The following FILIP1 variants were observed in gnomAD, a reference collection of about 807,000 sequenced individuals.
The protein encoded by FILIP1 is filamin-A-interacting protein 1.
A neutral mutation model predicts 102.1 loss-of-function variants in FILIP1; 61 were observed. That is an observed-to-expected ratio of 0.60 (90% CI 0.49 to 0.74). The LOEUF is 0.74. Ranked by LOEUF, FILIP1 falls within the 30% of genes least tolerant of loss-of-function variation. The probability of loss-of-function intolerance (pLI) is 0.00; values close to 1 mark genes in which losing one functional copy is unlikely to be tolerated. For missense variants in FILIP1, 1,314 were observed against 1,441.2 expected, an observed-to-expected ratio of 0.91 and a Z score of 1.43; for synonymous variants, 491 against 526.9, an observed-to-expected ratio of 0.93 and a Z score of 0.93.
chr6:75,414,004 C>T lies in FILIP1; in HGVS notation c.276+693G>A, dbSNP rs141376433. Among the ~76,000 whole-genome samples the T allele has an allele frequency of 1.0e-4, 15 of 150,430 alleles. No individual in the cohort carries two copies. The East Asian group carries it at 2.3e-3, about 23-fold the overall frequency. ...GAATCAGGAAGCCTGAGATGAGATC[C>T]GGACAAACCTTCAATCCTTCTGGGC... On this transcript the variant is annotated intron_variant, in intron 2 of 5. Transcript: ENST00000237172.
intron 2 of FILIP1, among the ~76,000 whole-genome samples, chr6:75,410,591 C>T (rs147346733): frequency 2.0e-4 from 30 of 152,058 alleles, no homozygotes; most frequent in Non-Finnish European, 3.2e-4. Flanking sequence ...ATGTTCCCCT[C>T]GCTGTGCCCA....
intron 1 of FILIP1, among the ~76,000 whole-genome samples, chr6:75,443,470 T>C (rs941987903): frequency 1.6e-4 from 24 of 152,192 alleles, no homozygotes; most frequent in African/African-American, 5.8e-4. Flanking sequence ...AATGGATATA[T>C]CCCTGACTTG....
intron 1 of FILIP1, among the ~76,000 whole-genome samples, chr6:75,443,859 C>T (rs1778355321): frequency 6.6e-6 from 1 of 152,262 alleles, no homozygotes; most frequent in South Asian, 2.1e-4. Context: ...CTAACATGCT[C>T]ATATTAGATT....
chr6:75,371,635 T>C (rs1775522332), intron 2 of FILIP1, among the ~76,000 whole-genome samples: 1 of 152,090 alleles, frequency 6.6e-6, no homozygotes, highest in Admixed American at 6.5e-5. Flanking sequence ...ATACGATCAA[T>C]GGAATGGAAT....
intron 2 of FILIP1, among the ~76,000 whole-genome samples, chr6:75,414,002 T>A (rs1185717555): frequency 6.6e-6 from 1 of 150,606 alleles, no homozygotes; most frequent in African/African-American, 2.4e-5. Flanking sequence ...TGAGATGAGA[T>A]CCGGACAAAC....
chr6:75,353,463 T>A, intron 4 of FILIP1, 76 bp downstream of exon 4: 1 of 1,514,438 alleles, frequency 6.6e-7, no homozygotes, highest in East Asian at 2.3e-5. Context: ...GCTGAAAGAC[T>A]GATCCCTGAA....
At chr6:75,348,062 TACAC>T (rs148284986) in intron 4 of FILIP1, among the ~76,000 whole-genome samples, 17 of 147,268 alleles carry the variant, frequency 1.2e-4, no homozygotes, top group Non-Finnish European at 2.1e-4. Flanking sequence ...ACATCAGTTA[TACAC>T]ACACACACAC....
At chr6:75,336,594 A>C (rs1208648695) in intron 4 of FILIP1, among the ~76,000 whole-genome samples, 3 of 152,150 alleles carry the variant, frequency 2.0e-5, no homozygotes, top group African/African-American at 7.2e-5. Flanking sequence ...AGTGATTCAA[A>C]CTTGAATTAT....
chr6:75,442,743 G>C (rs1582515617), intron 1 of FILIP1, among the ~76,000 whole-genome samples: 1 of 152,262 alleles, frequency 6.6e-6, no homozygotes, highest in African/African-American at 2.4e-5. Context: ...GGGAGACCGT[G>C]GGGAGAGGGA....
intron 1 of FILIP1, among the ~76,000 whole-genome samples, chr6:75,441,722 C>T (rs1398762936): frequency 6.9e-6 from 1 of 144,954 alleles, no homozygotes; most frequent in African/African-American, 2.6e-5. Context: ...ACCCCCCCAC[C>T]TCCCTCCCGG....
At chr6:75,365,174 T>C (rs1031222983) in intron 2 of FILIP1, among the ~76,000 whole-genome samples, 4 of 151,950 alleles carry the variant, frequency 2.6e-5, no homozygotes, top group Non-Finnish European at 5.9e-5. Flanking sequence ...AGAGCAGACA[T>C]AGAATGTACT....
intron 4 of FILIP1, among the ~76,000 whole-genome samples, chr6:75,326,068 T>C (rs1773841507): frequency 6.7e-6 from 1 of 149,080 alleles, no homozygotes; most frequent in Admixed American, 6.7e-5. Context: ...AGATGATAGA[T>C]GATAGATAGA....
At position 75,308,535 on chromosome 6, in the gene FILIP1, C is replaced by A; in HGVS notation, c.*156G>T. The A allele has an allele frequency of 6.9e-7, 1 of 1,453,330 alleles. No homozygotes were observed. Among genetic ancestry groups the A allele is most frequent in the Non-Finnish European group, 9.0e-7 (1 of 1,106,776 alleles). 90.0% of individuals were successfully genotyped at this position (1,453,330 alleles called of 1,614,324 possible). A position where few individuals can be genotyped will look rare whatever the true frequency, so the allele number is the denominator to read the frequency against. On this transcript the variant is annotated 3_prime_UTR_variant, in exon 6 of 6. Transcript: ENST00000237172. ...GTTCCCCAGCATCAAAACAAATGCA[C>A]AAAATGGGAAAGACAAATGGTTATT...
intron 4 of FILIP1, chr6:75,319,472 G>A (rs1469715774): frequency 3.3e-6 from 2 of 602,712 alleles, no homozygotes; most frequent in Non-Finnish European, 6.5e-6. Flanking sequence ...GTCCGCCTTT[G>A]CCATATCTTC....
intron 1 of FILIP1, among the ~76,000 whole-genome samples, chr6:75,430,515 T>C (rs900750452): frequency 9.2e-5 from 14 of 152,180 alleles, no homozygotes; most frequent in South Asian, 6.2e-4. Flanking sequence ...AAATATTATA[T>C]GTATATAGTA....
chr6:75,373,540 T>C (rs1160303244), intron 2 of FILIP1, among the ~76,000 whole-genome samples: 2 of 152,110 alleles, frequency 1.3e-5, no homozygotes, highest in Admixed American at 6.6e-5. Context: ...CCTGGCCTCA[T>C]GCAATCCTCC....
Position 75,313,505 on chromosome 6 carries a change from A to C in FILIP1, c.2327T>G (p.Leu776Trp). ...GQEVLNLTKE[L>W]ELSKRYSRAL... ...TCTGCTGTAGCGCTTGGAAAGCTCC[A>C]ACTCTTTGGTCAGATTGAGAACCTC... is the stretch of plus-strand genomic sequence containing the variant. The change falls in exon 5 of 6, where the codon TTG becomes TGG. Residue 776 changes from leucine to tryptophan, a missense_variant. By Grantham distance (61) the Leu-to-Trp change is moderately conservative. Coordinates refer to ENST00000237172, the MANE Select transcript of FILIP1 (RefSeq NM_015687.5). The surrounding 1 kb of genome is among the most constrained non-coding windows in gnomAD (Gnocchi z 4.2). 6.2e-7 allele frequency: 1 copy of C among 1,614,158 alleles called. No homozygotes were observed. The highest frequency in any genetic ancestry group is 1.1e-5 in the South Asian group (1 of 91,084).
chr6:75,489,081 G>A (rs922019231), intron 1 of FILIP1, among the ~76,000 whole-genome samples: 2 of 152,116 alleles, frequency 1.3e-5, no homozygotes, highest in Non-Finnish European at 2.9e-5. Flanking sequence ...TTCTTGCATG[G>A]AGGAGGAAGT....
At chr6:75,339,814 G>C (rs1774361822) in intron 4 of FILIP1, among the ~76,000 whole-genome samples, 1 of 152,076 alleles carries the variant, frequency 6.6e-6, no homozygotes, top group African/African-American at 2.4e-5. Flanking sequence ...CAGGCACGGT[G>C]GTGGGCACCT....
Sources: gnomAD v4.1 joint callset for allele counts (sites outside exome capture counted in the v4.1 genomes callset) on GRCh38, gnomAD v4.1.1 for gene constraint, Gnocchi (gnomAD v3.1) non-coding constraint, MANE v1.5 for transcripts, NCBI Gene and HGNC (gene_info 2026-07-23, HGNC 2026-07-21) for gene names.